Variants in ZBBX observed in about 807,000 individuals in gnomAD.
The protein encoded by ZBBX is zinc finger B-box domain containing, also known as zinc finger B-box domain-containing protein 1.
In ZBBX, 101 loss-of-function variants were observed where a neutral mutation model predicts 108.5. The ratio of observed to expected loss-of-function variants is 0.93; its 90% CI spans 0.79 to 1.10. The LOEUF (loss-of-function observed/expected upper bound fraction) is 1.10, where lower values mean the gene tolerates loss of function less well. Among genes scored for constraint, ZBBX ranks in the 50% least tolerant of loss-of-function variants. The pLI is 0.00. For missense variants in ZBBX, 1,009 were observed against 941.4 expected, an observed-to-expected ratio of 1.07 and a Z score of -0.94; for synonymous variants, 356 against 323.4, an observed-to-expected ratio of 1.10 and a Z score of -1.08.
chr3:167,330,554 T>C (rs1382692243), intron 10 of ZBBX, among the ~76,000 whole-genome samples: 1 of 151,880 alleles, frequency 6.6e-6, no homozygotes, highest in East Asian at 1.9e-4. Flanking sequence ...TAAATGAGAT[T>C]ATGAAGTTGA....
chr3:167,275,746 G>A (rs1386305211), intron 20 of ZBBX, among the ~76,000 whole-genome samples: 3 of 152,240 alleles, frequency 2.0e-5, no homozygotes, highest in Non-Finnish European at 4.4e-5. Flanking sequence ...AAACAAAGCA[G>A]CCCAGAAGCT....
chr3:167,335,436 A>T (rs1183155552), intron 9 of ZBBX, among the ~76,000 whole-genome samples: 1 of 152,018 alleles, frequency 6.6e-6, no homozygotes, highest in African/African-American at 2.4e-5. Flanking sequence ...AGGATTTAGG[A>T]TCCTATCTGA....
chr3:167,383,979 A>T (rs1664787692), upstream of ZBBX, among the ~76,000 whole-genome samples: 1 of 152,082 alleles, frequency 6.6e-6, no homozygotes, highest in African/African-American at 2.4e-5. Flanking sequence ...TATGTGGCAA[A>T]AAGATAAGAA....
intron 1 of ZBBX, among the ~76,000 whole-genome samples, chr3:167,407,617 A>T (rs987695541): frequency 2.6e-5 from 4 of 152,094 alleles, no homozygotes; most frequent in African/African-American, 9.7e-5. Context: ...ACCCACAAAA[A>T]AGTTAGGGAA....
chr3:167,369,087 AT>A (rs1213990779), intron 4 of ZBBX, among the ~76,000 whole-genome samples: 1 of 152,192 alleles, frequency 6.6e-6, no homozygotes, highest in African/African-American at 2.4e-5. Flanking sequence ...CCTATTAAGA[AT>A]AAAGCCCCTA....
At chr3:167,281,899 G>A (rs1411955637) in intron 20 of ZBBX, among the ~76,000 whole-genome samples, 1 of 152,100 alleles carries the variant, frequency 6.6e-6, no homozygotes, top group East Asian at 1.9e-4. Flanking sequence ...ATTGAACAGC[G>A]GCTTACATAA....
At chr3:167,324,553 T>A (rs1283467569) in intron 11 of ZBBX, among the ~76,000 whole-genome samples, 1 of 152,016 alleles carries the variant, frequency 6.6e-6, no homozygotes, top group Non-Finnish European at 1.5e-5. Flanking sequence ...CTACTATAGG[T>A]AAAACAGTAG....
At chr3:167,393,336 G>T (rs930957263) in intron 1 of ZBBX, among the ~76,000 whole-genome samples, 3 of 151,828 alleles carry the variant, frequency 2.0e-5, no homozygotes, top group African/African-American at 4.8e-5. Flanking sequence ...AGCAGCTTAA[G>T]CTCCTTTTAG....
intron 2 of ZBBX, among the ~76,000 whole-genome samples, chr3:167,376,294 C>T (rs947038327): frequency 6.6e-6 from 1 of 152,080 alleles, no homozygotes; most frequent in Admixed American, 6.5e-5. Context: ...ATAGCAGCTA[C>T]CAAAGGCACC....
At chr3:167,191,930 T>TAGAGAGAGAGAGAGAGAG in the ZBBX span, among the ~76,000 whole-genome samples, 109 of 127,262 alleles carry the variant, frequency 8.6e-4, 1 homozygote, top group African/African-American at 3.4e-3. Flanking sequence ...TATATATATA[T>TAGAGAGAGAGAGAGAGAG]ATATAGAGCA....
At chr3:167,307,000 A>C (rs1733763542) in intron 16 of ZBBX, among the ~76,000 whole-genome samples, 1 of 152,176 alleles carries the variant, frequency 6.6e-6, no homozygotes, top group Admixed American at 6.5e-5. Context: ...GAACTAGTGG[A>C]AACAAGGAAG....
chr3:167,277,071 C>T (rs1408988945), intron 20 of ZBBX, among the ~76,000 whole-genome samples: 2 of 151,894 alleles, frequency 1.3e-5, no homozygotes, highest in African/African-American at 4.8e-5. Flanking sequence ...ACCAGGCCTG[C>T]CCTAAAAGAG....
intron 18 of ZBBX, among the ~76,000 whole-genome samples, chr3:167,289,952 T>G (rs1730392106): frequency 1.3e-5 from 2 of 152,164 alleles, no homozygotes; most frequent in East Asian, 1.9e-4. Flanking sequence ...ATCCTCACAG[T>G]GTAAACAAAG....
At chr3:167,260,779 G>A (rs1220041110) in intron 20 of ZBBX, among the ~76,000 whole-genome samples, 1 of 152,040 alleles carries the variant, frequency 6.6e-6, no homozygotes, top group Admixed American at 6.5e-5. Context: ...GCATTTCTCT[G>A]GTTCCTCCCT....
intron 9 of ZBBX, among the ~76,000 whole-genome samples, chr3:167,347,512 C>G (rs1322209018): frequency 6.6e-6 from 1 of 151,990 alleles, no homozygotes; most frequent in East Asian, 1.9e-4. Context: ...AAACCACATA[C>G]ATGCAGAATC....
At chr3:167,242,202 G>T (rs1377164837) in intron 21 of ZBBX, among the ~76,000 whole-genome samples, 2 of 151,978 alleles carry the variant, frequency 1.3e-5, no homozygotes, top group Non-Finnish European at 2.9e-5. Flanking sequence ...ATTCAAATAA[G>T]GCCATTGATT....
chr3:167,372,769 C>A, intron 4 of ZBBX, 65 bp downstream of exon 4: 2 of 805,670 alleles, frequency 2.5e-6, no homozygotes, highest in Non-Finnish European at 2.0e-6. Flanking sequence ...ACAAAATAGT[C>A]AAAATTACAA....
intron 12 of ZBBX, among the ~76,000 whole-genome samples, chr3:167,321,913 T>C (rs2108322590): frequency 6.6e-6 from 1 of 152,106 alleles, no homozygotes; most frequent in South Asian, 2.1e-4. Flanking sequence ...CAAGGAAAAC[T>C]GTAAATTAAT....
chr3:167,260,035 G>A (rs1354108472), intron 20 of ZBBX, among the ~76,000 whole-genome samples: 1 of 152,114 alleles, frequency 6.6e-6, no homozygotes, highest in Non-Finnish European at 1.5e-5. Context: ...TGGTAATGGT[G>A]AATTCTCTCA....
Sources: gnomAD v4.1 joint callset for allele counts (sites outside exome capture counted in the v4.1 genomes callset) on GRCh38, gnomAD v4.1.1 for gene constraint, MANE v1.5 for transcripts, NCBI Gene and HGNC (gene_info 2026-07-23, HGNC 2026-07-21) for gene names.